ANK3: variants seen among roughly 807,000 people sequenced by gnomAD.
ANK3 encodes the protein ankyrin-3.
ANK3 carries 57 observed loss-of-function variants against 370.9 expected under a neutral mutation model. The ratio of observed to expected loss-of-function variants is 0.15; its 90% CI spans 0.12 to 0.19. The LOEUF (loss-of-function observed/expected upper bound fraction) is 0.19. Ranked by LOEUF, ANK3 falls within the 10% of genes least tolerant of loss-of-function variation. The pLI is 1.00. For missense variants in ANK3, 4,439 were observed against 5,302.1 expected (o/e 0.84, Z 5.06); for synonymous variants, 1,929 against 1,946.3 (o/e 0.99, Z 0.23).
intron 2 of ANK3, among the ~76,000 whole-genome samples, chr10:60,493,079 C>CAAAAAAA (rs1268736795): frequency 6.6e-5 from 8 of 121,548 alleles, no homozygotes; most frequent in Admixed American, 1.8e-4. Context: ...GACTCCTTCT[C>CAAAAAAA]AAAAAAAAAA....
intron 2 of ANK3, among the ~76,000 whole-genome samples, chr10:60,416,933 A>G (rs763762667): frequency 6.6e-6 from 1 of 152,184 alleles, no homozygotes; most frequent in Non-Finnish European, 1.5e-5. Flanking sequence ...AATTGACTAC[A>G]AAAATGGTTT....
rs763975593 is a variant in ANK3 at position 60,076,204 on chromosome 10, A to G, written c.4677T>C (p.Ser1559=). 3.7e-6 allele frequency: 6 copies of G among 1,614,172 alleles called. No homozygotes were observed. In the South Asian group the frequency reaches 6.6e-5, roughly 18 times the overall value. The part of the protein sequence containing the change: ...IKSTLGASTT[S]SVKSISDVAS... The stretch of plus-strand genomic sequence containing the variant: ...CCACGTCACTAATGGATTTAACTGA[A>G]GATGTAGTTGACGCGCCTAATGTGG... Residue 1559 remains serine, a synonymous_variant, in exon 37 of 44, where the codon TCT becomes TCC. Coordinates refer to ENST00000280772, the MANE Select transcript of ANK3 (RefSeq NM_020987.5).
intron 2 of ANK3, among the ~76,000 whole-genome samples, chr10:60,453,370 C>G (rs1296699070): frequency 6.6e-6 from 1 of 152,192 alleles, no homozygotes. Context: ...AAAATCTGCT[C>G]TAACTCCTTC....
At chr10:60,114,941 A>T (rs1468413303) in intron 25 of ANK3, among the ~76,000 whole-genome samples, 1 of 152,172 alleles carries the variant, frequency 6.6e-6, no homozygotes. Flanking sequence ...GTGCAAACAG[A>T]TTTGTACTTT....
chr10:60,033,506 C>T (rs1164232358), intron 43 of ANK3, among the ~76,000 whole-genome samples: 1 of 97,874 alleles, frequency 1.0e-5, no homozygotes, highest in African/African-American at 4.1e-5. Flanking sequence ...CATAGCGAGA[C>T]TCAGTCTCAA....
chr10:60,226,695 T>C (rs935756020), intron 8 of ANK3, among the ~76,000 whole-genome samples: 3 of 140,594 alleles, frequency 2.1e-5, no homozygotes, highest in African/African-American at 7.8e-5. Flanking sequence ...TAATATACTA[T>C]ATTATATAGT....
Position 60,139,070 on chromosome 10 carries a change from C to T in ANK3, c.2632G>A (p.Gly878Arg), listed in dbSNP as rs770736443. ...GGCCCAAGATATTTGTCTGTGTCCC[C>T]GGTCATTGCATCTTCACCTGCAGAT... ...DVEEGEDAMT[G>R]DTDKYLGPQD... Residue 878 changes from glycine to arginine, a missense_variant, in exon 24 of 44, where the codon GGG becomes AGG. By Grantham distance (125) the Gly-to-Arg change is moderately radical. Transcript: ENST00000280772. The T allele has an allele frequency of 1.1e-5, 18 of 1,613,480 alleles. No homozygotes were observed. The highest frequency in any genetic ancestry group is 2.2e-5 in the South Asian group (2 of 91,032).
chr10:60,172,538 T>C (rs1273309074), intron 20 of ANK3, 135 bp from the exon 21 acceptor site: 14 of 723,528 alleles, frequency 1.9e-5, no homozygotes, highest in Non-Finnish European at 2.4e-5. Context: ...ATTAGAGACA[T>C]ACCTTGCACA....
Position 60,071,959 on chromosome 10 carries a change from A to G in ANK3, c.8922T>C (p.Asn2974=), listed in dbSNP as rs151224597. Residue 2974 remains asparagine, a synonymous_variant, in exon 37 of 44, where the codon AAT becomes AAC. Coordinates refer to ENST00000280772, the MANE Select transcript of ANK3 (RefSeq NM_020987.5). The part of the protein sequence containing the change: ...VADERRMLSS[N]IPDGFCEQSA... ...ACTGTTCACAAAAACCATCGGGAAT[A>G]TTAGAAGACAGCATTCTCCTCTCAT... 4 of 1,614,010 alleles carry G rather than the reference A, an allele frequency of 2.5e-6. No homozygotes were observed. The African/African-American group carries it at 5.3e-5, about 22-fold the overall frequency.
At chr10:60,688,439 T>C (rs1337908742) in intron 1 of ANK3, among the ~76,000 whole-genome samples, 2 of 152,246 alleles carry the variant, frequency 1.3e-5, no homozygotes, top group Non-Finnish European at 2.9e-5. Context: ...TACATTGTAC[T>C]TATAATCAAT....
chr10:60,207,802 G>A (rs919759827), intron 10 of ANK3, among the ~76,000 whole-genome samples: 3 of 152,102 alleles, frequency 2.0e-5, no homozygotes, highest in Non-Finnish European at 4.4e-5. Context: ...GGGTTCATAC[G>A]GGAATCACTT....
At chr10:60,124,383 C>A (rs1276004437) in intron 25 of ANK3, among the ~76,000 whole-genome samples, 1 of 151,954 alleles carries the variant, frequency 6.6e-6, no homozygotes, top group African/African-American at 2.4e-5. Flanking sequence ...ACCATGTTGG[C>A]CAGGCAGGTC....
intron 18 of ANK3, among the ~76,000 whole-genome samples, chr10:60,177,593 C>CTTTTTTTTTTTTTTTTTTTTTTTTTTTTT (rs771714886): frequency 1.9e-5 from 2 of 106,252 alleles, no homozygotes; most frequent in Non-Finnish European, 3.6e-5. Flanking sequence ...GTCTTCAAAT[C>CTTTTTTTTTTTTTTTTTTTTTTTTTTTTT]TTTTTTTTTT....
intron 2 of ANK3, among the ~76,000 whole-genome samples, chr10:60,602,277 C>T (rs549415614): frequency 3.3e-5 from 5 of 152,086 alleles, no homozygotes; most frequent in Non-Finnish European, 7.4e-5. Context: ...TGAAATTTCA[C>T]CACTTAAACT....
chr10:60,705,903 C>T (rs971815298), intron 1 of ANK3, among the ~76,000 whole-genome samples: 1 of 150,728 alleles, frequency 6.6e-6, no homozygotes, highest in African/African-American at 2.4e-5. Context: ...GCTCACTGCA[C>T]CCTCGACCAC....
intron 43 of ANK3, among the ~76,000 whole-genome samples, chr10:60,041,226 A>G (rs2893823): frequency 0.17 from 26,338 of 152,142 alleles, 2,543 homozygotes; most frequent in Admixed American, 0.21. Context: ...CAGAACATAT[A>G]AACTGGATCA....
intron 2 of ANK3, among the ~76,000 whole-genome samples, chr10:60,485,694 T>C (rs538982804): frequency 1.3e-5 from 2 of 152,312 alleles, no homozygotes; most frequent in South Asian, 4.1e-4. Context: ...TGGGCATTGT[T>C]GTGGCAGAGC....
chr10:60,067,833 G>T, intron 38 of ANK3, 102 bp downstream of exon 38: 1 of 883,798 alleles, frequency 1.1e-6, no homozygotes, highest in Non-Finnish European at 1.7e-6. Flanking sequence ...TTTTTTACTA[G>T]CTGCTTGTTT....
intron 1 of ANK3, among the ~76,000 whole-genome samples, chr10:60,631,758 T>G (rs1341494862): frequency 6.6e-6 from 1 of 152,038 alleles, no homozygotes; most frequent in African/African-American, 2.4e-5. Context: ...GAGCAATACA[T>G]TCAAACTTTG....
Sources: gnomAD v4.1 joint callset for allele counts (sites outside exome capture counted in the v4.1 genomes callset) on GRCh38, gnomAD v4.1.1 for gene constraint, MANE v1.5 for transcripts, NCBI Gene and HGNC (gene_info 2026-07-23, HGNC 2026-07-21) for gene names.